The following SIMC1 variants were observed in gnomAD, a reference collection of about 807,000 sequenced individuals.
SIMC1 encodes SUMO interacting motifs containing 1, also known as SUMO-interacting motif-containing protein 1.
SIMC1 carries 55 observed loss-of-function variants against 82.3 expected under a neutral mutation model. The ratio of observed to expected loss-of-function variants is 0.67; its 90% CI spans 0.54 to 0.84. The LOEUF is 0.84. Ranked by LOEUF, SIMC1 falls within the 40% of genes least tolerant of loss-of-function variation. The probability of loss-of-function intolerance (pLI) is 0.00; values close to 1 mark genes in which losing one functional copy is unlikely to be tolerated. For synonymous variants in SIMC1, 353 were observed against 426.3 expected (o/e 0.83, Z 2.12); for missense variants, 915 against 1,107.2 (o/e 0.83, Z 2.46).
chr5:176,264,872 TAAGAA>T (rs901509873), intron 1 of SIMC1, among the ~76,000 whole-genome samples: 1 of 152,128 alleles, frequency 6.6e-6, no homozygotes, highest in African/African-American at 2.4e-5. Context: ...TGCAATTAGT[TAAGAA>T]AAGGAAATAG....
chr5:176,290,033 T>C lies in SIMC1; in HGVS notation c.509T>C (p.Leu170Pro). Reference protein sequence around the residue: ...NCSSATFTGNLSFLASLQLSS... With the variant: ...NCSSATFTGNPSFLASLQLSS... ...AGCTCAGCCACATTCACAGGTAACC[T>C]CAGCTTCTTGGCAAGTCTACAGCTG... is the stretch of plus-strand genomic sequence containing the variant. The change falls in exon 2 of 10, where the codon CTC (leucine) becomes CCC (proline). Residue 170 changes from leucine (L) to proline (P), a missense_variant. Coordinates refer to ENST00000429602, the MANE Select transcript of SIMC1 (RefSeq NM_001308195.2). 6.2e-7 allele frequency: 1 copy of C among 1,613,094 alleles called. No homozygotes were observed. The highest frequency in any genetic ancestry group is 1.1e-5 in the South Asian group (1 of 91,024).
rs1009618002 is a variant in SIMC1 at position 176,299,411 on chromosome 5, T to G, written c.1734+3091T>G. Among the ~76,000 whole-genome samples the G allele has an allele frequency of 6.7e-4, 99 of 147,758 alleles. 1 individual carries two copies. Among genetic ancestry groups the G allele is most frequent in the African/African-American group, 2.4e-3 (95 of 40,282 alleles). On this transcript the variant is annotated intron_variant, in intron 4 of 9. Coordinates refer to ENST00000429602, the MANE Select transcript of SIMC1 (RefSeq NM_001308195.2). ...TGTCTCTAAAAAAAAAAAAAAGAAATAAAGATTTGCTGAAAGTGAAAGGAT... is the reference window on the plus strand; with the variant it reads ...TGTCTCTAAAAAAAAAAAAAAGAAAGAAAGATTTGCTGAAAGTGAAAGGAT...
chr5:176,270,161 G>C (rs553369435), intron 1 of SIMC1: 1 of 151,600 alleles, frequency 6.6e-6, no homozygotes, highest in East Asian at 1.9e-4. Context: ...GGATTGCAAG[G>C]TTAATTTAAC....
At position 176,343,661 on chromosome 5, in the gene SIMC1, C is replaced by T. The variant is rs181076887; in HGVS notation, c.2414-1522C>T. On this transcript the variant is annotated intron_variant, in intron 9 of 9. Coordinates refer to ENST00000429602, the MANE Select transcript of SIMC1 (RefSeq NM_001308195.2). ...TTTTTTCTGAAACAGTTGATAAGTG[C>T]GCCATCATAATTGTATTGCTTAAGT... is the stretch of plus-strand genomic sequence containing the variant. Among the ~76,000 whole-genome samples the T allele has an allele frequency of 3.8e-4, 58 of 152,226 alleles. 1 individual carries two copies. The highest frequency in any genetic ancestry group is 1.3e-3 in the African/African-American group (52 of 41,530).
At chr5:176,279,630 T>C (rs1161707104) in intron 1 of SIMC1, among the ~76,000 whole-genome samples, 2 of 150,842 alleles carry the variant, frequency 1.3e-5, no homozygotes, top group Non-Finnish European at 3.0e-5. Flanking sequence ...AATTTCCCTC[T>C]ACACACTGCT....
intron 2 of SIMC1, among the ~76,000 whole-genome samples, chr5:176,292,849 A>G (rs1763645368): frequency 1.3e-5 from 2 of 152,134 alleles, no homozygotes; most frequent in Admixed American, 6.5e-5. Flanking sequence ...CCCAGACAGC[A>G]TTTATTATTG....
chr5:176,335,282 T>TTTC (rs1261936711), intron 7 of SIMC1, among the ~76,000 whole-genome samples: 1 of 144,198 alleles, frequency 6.9e-6, no homozygotes, highest in East Asian at 2.0e-4. Flanking sequence ...TCTTTTTTTT[T>TTTC]TTTTTTTTTT....
chr5:176,313,233 A>T (rs1764742145), intron 4 of SIMC1: 2 of 1,332,742 alleles, frequency 1.5e-6, no homozygotes, highest in African/African-American at 3.0e-5. Context: ...CACAGGAGTC[A>T]TTAAAGAACC....
At position 176,289,847 on chromosome 5, in the gene SIMC1, T is replaced by C; in HGVS notation, c.323T>C (p.Val108Ala). The C allele has an allele frequency of 6.2e-7, 1 of 1,613,878 alleles. No homozygotes were observed. Among genetic ancestry groups the C allele is most frequent in the Admixed American group, 1.7e-5 (1 of 60,016 alleles). The change falls in exon 2 of 10, where the codon GTG becomes GCG. Residue 108 changes from valine (V) to alanine (A), a missense_variant. Val to Ala is a moderately conservative substitution (Grantham distance 64). This residue lies in a region of SIMC1 where 902 missense variants were observed against 1,040.3 expected (regional missense o/e 0.87). Coordinates refer to ENST00000429602, the MANE Select transcript of SIMC1 (RefSeq NM_001308195.2). ...TGTGCCAGCCTCTCTGGCAAAGCGGTGATGGAAGGGCACGTGGACAGAAGC... is the reference window on the plus strand; with the variant it reads ...TGTGCCAGCCTCTCTGGCAAAGCGGCGATGGAAGGGCACGTGGACAGAAGC... ...QTCASLSGKAVMEGHVDRSSQ... is the reference protein window; with the variant it reads ...QTCASLSGKAAMEGHVDRSSQ...
intron 4 of SIMC1, chr5:176,308,948 T>C: frequency 4.7e-6 from 5 of 1,054,334 alleles, no homozygotes; most frequent in Non-Finnish European, 6.0e-6. Flanking sequence ...GCAAAACCAA[T>C]AGCATTTGCA....
At chr5:176,280,238 T>G (rs1762926896) in intron 1 of SIMC1, among the ~76,000 whole-genome samples, 1 of 152,220 alleles carries the variant, frequency 6.6e-6, no homozygotes, top group Non-Finnish European at 1.5e-5. Flanking sequence ...ATGGCCTTCT[T>G]TGTCTCTTTT....
intron 4 of SIMC1, among the ~76,000 whole-genome samples, chr5:176,299,884 C>G (rs1763972695): frequency 6.6e-6 from 1 of 152,150 alleles, no homozygotes; most frequent in African/African-American, 2.4e-5. Context: ...GGCCACAAAA[C>G]AAGACTTAAA....
chr5:176,305,199 G>GC (rs1374192255), intron 4 of SIMC1, among the ~76,000 whole-genome samples: 2 of 79,240 alleles, frequency 2.5e-5, no homozygotes, highest in Admixed American at 2.3e-4. Context: ...TGGGGGGTCA[G>GC]CCCCCCGCCC....
intron 5 of SIMC1, among the ~76,000 whole-genome samples, chr5:176,314,282 A>G (rs1028547265): frequency 6.6e-6 from 1 of 151,658 alleles, no homozygotes; most frequent in African/African-American, 2.4e-5. Context: ...TAATTAATTA[A>G]TTTTTAAAAA....
chr5:176,242,723 T>G (rs1030190538), intron 1 of SIMC1, among the ~76,000 whole-genome samples: 1 of 152,106 alleles, frequency 6.6e-6, no homozygotes, highest in Non-Finnish European at 1.5e-5. Context: ...TATCTCTTTC[T>G]CTGCTGCCTA....
chr5:176,269,931 T>A (rs6866922), intron 1 of SIMC1, among the ~76,000 whole-genome samples: 3,149 of 152,026 alleles, frequency 0.021, 66 homozygotes, highest in African/African-American at 0.047. Context: ...ATTTTATTTT[T>A]TTTTTTGTAG....
Position 176,345,842 on chromosome 5 carries a change from C to T in SIMC1, c.*397C>T, listed in dbSNP as rs1257530810. ...TTCAGGAGAGAGACGTTCATTTTTC[C>T]CTAATGAAATGCAAGCATTCTGTTA... On this transcript the variant is annotated 3_prime_UTR_variant, in exon 10 of 10. Coordinates refer to ENST00000429602, the MANE Select transcript of SIMC1 (RefSeq NM_001308195.2). 1 of 152,544 alleles carries T rather than the reference C, an allele frequency of 6.6e-6. No homozygotes were observed. Among genetic ancestry groups the T allele is most frequent in the Non-Finnish European group, 1.5e-5 (1 of 68,394 alleles). 9.4% of individuals were successfully genotyped at this position (152,544 alleles called of 1,614,324 possible). A position where few individuals can be genotyped will look rare whatever the true frequency, so the allele number is the denominator to read the frequency against.
chr5:176,333,343 T>C lies in SIMC1; in HGVS notation c.2172-3377T>C, dbSNP rs146825888. Among the ~76,000 whole-genome samples the C allele has an allele frequency of 1.6e-4, 25 of 152,294 alleles. No individual in the cohort carries two copies. In the East Asian group the frequency reaches 4.6e-3, roughly 28 times the overall value. On this transcript the variant is annotated intron_variant, in intron 7 of 9. Transcript: ENST00000429602. ...AAAGAAAATGATATAAATGGAATCA[T>C]TTGGTATATAACCTTTTGGGACTGG...
rs766782426 is a variant in SIMC1 at position 176,336,896 on chromosome 5, A to G, written c.2328+20A>G. On this transcript the variant is annotated intron_variant, in intron 8 of 9. Transcript: ENST00000429602. ...TGTCAGGTACATTTTTTCCTGCCCA[A>G]TTTCAGGCCTAGAGCACCTCTCTTT... 3.7e-6 allele frequency: 6 copies of G among 1,613,606 alleles called. No homozygotes were observed. The East Asian group carries it at 6.7e-5, about 18-fold the overall frequency.
Sources: gnomAD v4.1 joint callset for allele counts (sites outside exome capture counted in the v4.1 genomes callset) on GRCh38, gnomAD v4.1.1 for gene constraint, gnomAD v4.1.1 regional missense constraint, MANE v1.5 for transcripts, NCBI Gene and HGNC (gene_info 2026-07-23, HGNC 2026-07-21) for gene names.